The following RNF150 variants were observed in gnomAD, a reference collection of about 807,000 sequenced individuals.
RNF150 encodes the protein ring finger protein 150.
RNF150 carries 24 observed loss-of-function variants against 39.3 expected under a neutral mutation model. The ratio of observed to expected loss-of-function variants is 0.61; its 90% CI spans 0.44 to 0.86. The LOEUF is 0.86. Among genes scored for constraint, RNF150 ranks in the 40% least tolerant of loss-of-function variants. RNF150 has a pLI of 0.00. For synonymous variants in RNF150, 255 were observed against 227.3 expected (o/e 1.12, Z -1.10); for missense variants, 502 against 587.8 (o/e 0.85, Z 1.51).
At chr4:141,210,221 A>G (rs767881055) in intron 1 of RNF150, among the ~76,000 whole-genome samples, 1 of 152,052 alleles carries the variant, frequency 6.6e-6, no homozygotes. Context: ...ATCTGTGGAC[A>G]CTCTGGAGGC....
chr4:140,925,866 G>A (rs1731380634), intron 5 of RNF150, 111 bp downstream of exon 5: 3 of 735,506 alleles, frequency 4.1e-6, no homozygotes, highest in South Asian at 1.7e-5. Context: ...TGATGTGACT[G>A]CTATGTGTGA....
At chr4:140,914,920 G>A (rs1158765281) in intron 5 of RNF150, among the ~76,000 whole-genome samples, 1 of 152,004 alleles carries the variant, frequency 6.6e-6, no homozygotes, top group Admixed American at 6.5e-5. Context: ...CTTATACCAT[G>A]GGTAGATACA....
rs1398802415 is a variant in RNF150 at position 141,069,660 on chromosome 4, G to A, written c.484+62665C>T. ...GTACCAGTTCCTCCTTGTACTTCTGGTAGAATTCGGCTGTGAATCCATCTG... is the reference window on the plus strand; with the variant it reads ...GTACCAGTTCCTCCTTGTACTTCTGATAGAATTCGGCTGTGAATCCATCTG... On this transcript the variant is annotated intron_variant, in intron 1 of 6. Coordinates refer to ENST00000515673, the MANE Select transcript of RNF150 (RefSeq NM_020724.2). Among the ~76,000 whole-genome samples the A allele has an allele frequency of 2.6e-5, 4 of 151,140 alleles. No homozygotes were observed. In the East Asian group the frequency reaches 7.8e-4, roughly 30 times the overall value.
At chr4:141,168,589 A>T (rs1727642079) in intron 1 of RNF150, among the ~76,000 whole-genome samples, 1 of 152,230 alleles carries the variant, frequency 6.6e-6, no homozygotes, top group Admixed American at 6.5e-5. Context: ...TGTGGCACAT[A>T]TACACCATGG....
intron 2 of RNF150, among the ~76,000 whole-genome samples, chr4:140,966,439 T>TA (rs1733247606): frequency 1.3e-5 from 2 of 151,870 alleles, no homozygotes; most frequent in Non-Finnish European, 2.9e-5. Context: ...AGCTGAGGGG[T>TA]GGTGAGGTGA....
At chr4:140,967,938 A>C (rs1362423350) in intron 1 of RNF150, 65 bp from the exon 2 acceptor site, 3 of 1,432,534 alleles carry the variant, frequency 2.1e-6, no homozygotes, top group South Asian at 1.2e-5. Context: ...GATCCCAGTG[A>C]GATGTGTGGA....
intron 2 of RNF150, among the ~76,000 whole-genome samples, chr4:140,951,986 C>A (rs1732558748): frequency 6.6e-6 from 1 of 151,978 alleles, no homozygotes; most frequent in South Asian, 2.1e-4. Context: ...ATACAATGGT[C>A]ATAGATTATA....
intron 6 of RNF150, among the ~76,000 whole-genome samples, chr4:140,870,276 C>T (rs1205146856): frequency 6.6e-6 from 1 of 152,150 alleles, no homozygotes. Context: ...TAAATGAAAA[C>T]CCTGGAAGCA....
chr4:141,037,955 C>T (rs1028774055), intron 1 of RNF150, among the ~76,000 whole-genome samples: 1 of 152,132 alleles, frequency 6.6e-6, no homozygotes, highest in Non-Finnish European at 1.5e-5. Context: ...TATACACTAA[C>T]ATGTTAAAAT....
chr4:141,176,180 G>T (rs1010400036), intron 1 of RNF150, among the ~76,000 whole-genome samples: 1 of 151,856 alleles, frequency 6.6e-6, no homozygotes, highest in Admixed American at 6.6e-5. Flanking sequence ...TTACAGGCAT[G>T]AGCCACCACA....
At chr4:141,104,529 T>C (rs538881987) in intron 1 of RNF150, among the ~76,000 whole-genome samples, 2 of 152,284 alleles carry the variant, frequency 1.3e-5, no homozygotes, top group East Asian at 3.9e-4. Flanking sequence ...TGCATCCCTT[T>C]AAACATTAAG....
intron 1 of RNF150, among the ~76,000 whole-genome samples, chr4:140,969,685 AT>A (rs1186254740): frequency 3.3e-3 from 380 of 113,946 alleles, no homozygotes; most frequent in African/African-American, 7.4e-3. Flanking sequence ...CTAGAAGTAC[AT>A]TTTTTTTTTT....
intron 1 of RNF150, among the ~76,000 whole-genome samples, chr4:141,208,489 C>T (rs1017003015): frequency 6.6e-6 from 1 of 152,198 alleles, no homozygotes; most frequent in African/African-American, 2.4e-5. Flanking sequence ...TCCATTCTAC[C>T]TGGATGAGTG....
chr4:140,980,532 T>C (rs1733820985), intron 1 of RNF150, among the ~76,000 whole-genome samples: 2 of 152,112 alleles, frequency 1.3e-5, no homozygotes, highest in African/African-American at 4.8e-5. Context: ...GATCTCATCT[T>C]GAATTATAGT....
intron 1 of RNF150, among the ~76,000 whole-genome samples, chr4:141,005,941 C>A (rs1734851031): frequency 6.9e-6 from 1 of 145,392 alleles, no homozygotes; most frequent in South Asian, 2.2e-4. Context: ...TAGTGGCGGG[C>A]GCCTGTAGTC....
At chr4:141,166,594 C>CAAATGAAG (rs1452525035) in intron 1 of RNF150, among the ~76,000 whole-genome samples, 1 of 152,150 alleles carries the variant, frequency 6.6e-6, no homozygotes, top group Admixed American at 6.5e-5. Flanking sequence ...CTTATCCACT[C>CAAATGAAG]ATGATCAAGT....
intron 1 of RNF150, among the ~76,000 whole-genome samples, chr4:141,107,449 A>C (rs936320831): frequency 6.6e-6 from 1 of 152,236 alleles, no homozygotes; most frequent in Non-Finnish European, 1.5e-5. Context: ...AGCTATTATG[A>C]GGCCAAGCTG....
chr4:141,076,792 T>C (rs921628158), intron 1 of RNF150, among the ~76,000 whole-genome samples: 1 of 152,148 alleles, frequency 6.6e-6, no homozygotes, highest in African/African-American at 2.4e-5. Flanking sequence ...AAATAGTAAA[T>C]ACTAAATAGT....
chr4:140,884,135 T>C (rs1373364679), intron 6 of RNF150, among the ~76,000 whole-genome samples: 1 of 152,192 alleles, frequency 6.6e-6, no homozygotes, highest in Non-Finnish European at 1.5e-5. Context: ...GTTTGTTTCT[T>C]CTTCATAGTT....
Sources: allele counts gnomAD v4.1 joint callset (sites outside exome capture counted in the v4.1 genomes callset), GRCh38; gene constraint gnomAD v4.1.1; transcripts MANE v1.5; gene names NCBI Gene and HGNC (gene_info 2026-07-23, HGNC 2026-07-21).